CBL: variants seen among roughly 807,000 people sequenced by gnomAD.
CBL encodes the protein Cbl proto-oncogene, also known as E3 ubiquitin-protein ligase CBL.
In CBL, 45 loss-of-function variants were observed where a neutral mutation model predicts 96.9. The observed-to-expected ratio is 0.46, with a 90% CI of 0.37 to 0.60. CBL has a LOEUF of 0.60. CBL is among the 20% of genes least tolerant of loss of function. CBL has a pLI of 0.00. For synonymous variants in CBL, 420 were observed against 426.8 expected (o/e 0.98, Z 0.20); for missense variants, 1,024 against 1,143.5 (o/e 0.90, Z 1.51).
intron 2 of CBL, among the ~76,000 whole-genome samples, chr11:119,263,400 TG>T (rs1949769735): frequency 6.6e-6 from 1 of 152,108 alleles, no homozygotes; most frequent in Non-Finnish European, 1.5e-5. Context: ...GGCTCTCATG[TG>T]GGTTGCTGCC....
At chr11:119,213,988 A>C (rs1391282768) in intron 1 of CBL, among the ~76,000 whole-genome samples, 2 of 152,046 alleles carry the variant, frequency 1.3e-5, no homozygotes, top group Non-Finnish European at 2.9e-5. Flanking sequence ...CTTTTGCCCC[A>C]GGCTGGAGTG....
chr11:119,227,866 T>G (rs1172721143), intron 1 of CBL, among the ~76,000 whole-genome samples: 5 of 152,218 alleles, frequency 3.3e-5, no homozygotes, highest in Non-Finnish European at 5.9e-5. Context: ...ATAATTTTCT[T>G]GTTGAATTCA....
At position 119,298,355 on chromosome 11, in the gene CBL, C is replaced by T; in HGVS notation, c.2252-3C>T. 1 of 1,613,696 alleles carries T rather than the reference C, an allele frequency of 6.2e-7. No individual in the cohort carries two copies. The highest frequency in any genetic ancestry group is 1.7e-4 in the Middle Eastern group (1 of 6,060). The stretch of plus-strand genomic sequence containing the variant: ...GAAGATAACATCACTCATTTTTCTC[C>T]AGGTGAAGGGAATTTGGCCGCAGCC... On this transcript the variant is annotated splice_polypyrimidine_tract_variant and splice_region_variant and intron_variant, in intron 14 of 15. Transcript: ENST00000264033.
chr11:119,264,409 T>G (rs1202854014), intron 2 of CBL, among the ~76,000 whole-genome samples: 1 of 122,170 alleles, frequency 8.2e-6, no homozygotes, highest in South Asian at 2.5e-4. Flanking sequence ...TTCTCTTCTC[T>G]TCTCTTCTCT....
intron 12 of CBL, among the ~76,000 whole-genome samples, chr11:119,290,417 G>A (rs576052221): frequency 1.1e-4 from 17 of 150,870 alleles, no homozygotes; most frequent in African/African-American, 3.9e-4. Flanking sequence ...CACTTTGGGA[G>A]GCCAAGGCGG....
chr11:119,238,494 G>A (rs1949561894), intron 2 of CBL, among the ~76,000 whole-genome samples: 2 of 152,028 alleles, frequency 1.3e-5, no homozygotes, highest in Non-Finnish European at 2.9e-5. Context: ...GCAGGAGTGA[G>A]CCACTGTGCC....
At chr11:119,220,088 C>G (rs1044433154) in intron 1 of CBL, among the ~76,000 whole-genome samples, 1 of 151,894 alleles carries the variant, frequency 6.6e-6, no homozygotes, top group Admixed American at 6.6e-5. Context: ...GACCTTGTGA[C>G]CTTGTGATCC....
intron 1 of CBL, among the ~76,000 whole-genome samples, chr11:119,226,052 A>G (rs1949456301): frequency 6.6e-6 from 1 of 152,144 alleles, no homozygotes; most frequent in African/African-American, 2.4e-5. Context: ...TGGGAGCTGT[A>G]CTTGGTACTT....
At chr11:119,207,455 T>C (rs1949280279) in intron 1 of CBL, among the ~76,000 whole-genome samples, 1 of 152,248 alleles carries the variant, frequency 6.6e-6, no homozygotes, top group South Asian at 2.1e-4. Context: ...TGACTCCTTA[T>C]TACAGGTCCT....
intron 2 of CBL, among the ~76,000 whole-genome samples, chr11:119,235,135 A>T (rs1364390042): frequency 6.6e-6 from 1 of 151,314 alleles, no homozygotes; most frequent in African/African-American, 2.4e-5. Flanking sequence ...TTTTTTTGAG[A>T]TGGAGTCTCA....
chr11:119,221,401 A>G (rs73566731), intron 1 of CBL, among the ~76,000 whole-genome samples: 3,681 of 152,210 alleles, frequency 0.024, 165 homozygotes, highest in African/African-American at 0.083. Context: ...TTATTTAAAA[A>G]TTAAACCAAA....
chr11:119,255,901 T>TA (rs1242009703), intron 2 of CBL, among the ~76,000 whole-genome samples: 3 of 151,232 alleles, frequency 2.0e-5, no homozygotes, highest in Non-Finnish European at 3.0e-5. Flanking sequence ...AATTTATACT[T>TA]TAAAAAAAAA....
At chr11:119,207,049 C>T (rs2135244747) in intron 1 of CBL, among the ~76,000 whole-genome samples, 1 of 152,116 alleles carries the variant, frequency 6.6e-6, no homozygotes, top group Non-Finnish European at 1.5e-5. Flanking sequence ...TGGGTGAGAT[C>T]TGACTAGGGA....
At chr11:119,287,286 C>T (rs140539459) in intron 11 of CBL, among the ~76,000 whole-genome samples, 170 of 152,298 alleles carry the variant, frequency 1.1e-3, no homozygotes, top group African/African-American at 3.7e-3. Flanking sequence ...CGCGTAAAAA[C>T]GAAACTTTTA....
chr11:119,232,912 A>T (rs1238169531), intron 2 of CBL, among the ~76,000 whole-genome samples: 2 of 152,210 alleles, frequency 1.3e-5, no homozygotes, highest in African/African-American at 4.8e-5. Flanking sequence ...TCATTTACTG[A>T]TAGTAATGAA....
chr11:119,226,614 T>G (rs143779611), intron 1 of CBL, among the ~76,000 whole-genome samples: 13 of 152,150 alleles, frequency 8.5e-5, no homozygotes, highest in Admixed American at 7.9e-4. Context: ...TGTGCCACCA[T>G]GCCTGGCTGA....
rs898842437 is a variant in CBL at position 119,302,624 on chromosome 11, C to T, written c.*2843C>T. 8.7e-6 allele frequency: 2 copies of T among 231,028 alleles called. No homozygotes were observed. Among genetic ancestry groups the T allele is most frequent in the Non-Finnish European group, 1.7e-5 (2 of 116,786 alleles). 14.3% of individuals were successfully genotyped at this position (231,028 alleles called of 1,614,324 possible). Reference sequence around the variant, plus strand: ...GTCTCATGCTTTCCCTGGGTCTTCACGGATTGCTTTCCAAGCTGCCTTGTT... The same window carrying T: ...GTCTCATGCTTTCCCTGGGTCTTCATGGATTGCTTTCCAAGCTGCCTTGTT... On this transcript the variant is annotated 3_prime_UTR_variant, in exon 16 of 16. Coordinates refer to ENST00000264033, the MANE Select transcript of CBL (RefSeq NM_005188.4).
chr11:119,287,899 A>C lies in CBL; in HGVS notation c.1989A>C (p.Lys663Asn). The C allele has an allele frequency of 1.2e-6, 2 of 1,613,906 alleles. No homozygotes were observed. The highest frequency in any genetic ancestry group is 1.7e-6 in the Non-Finnish European group (2 of 1,179,802). ...TAGGTCCAGAGTGTGACCACCCCAA[A>C]ATCAAACCTTCCTCATCTGCCAATG... ...PLVGPECDHP[K>N]IKPSSSANAI... The change falls in exon 12 of 16, where the codon AAA (lysine) becomes AAC (asparagine). Residue 663 changes from lysine (K) to asparagine (N), a missense_variant. By Grantham distance (94) the Lys-to-Asn change is moderately conservative. Coordinates refer to ENST00000264033, the MANE Select transcript of CBL (RefSeq NM_005188.4).
At chr11:119,254,607 CTT>C (rs897083613) in intron 2 of CBL, among the ~76,000 whole-genome samples, 1 of 145,642 alleles carries the variant, frequency 6.9e-6, no homozygotes. Flanking sequence ...CTTTTTTTAT[CTT>C]TTTTTTTTTT....
Sources: allele counts gnomAD v4.1 joint callset (sites outside exome capture counted in the v4.1 genomes callset), GRCh38; gene constraint gnomAD v4.1.1; transcripts MANE v1.5; gene names NCBI Gene and HGNC (gene_info 2026-07-23, HGNC 2026-07-21).